ARL17B: variants seen among roughly 807,000 people sequenced by gnomAD.
ARL17B encodes the protein ADP-ribosylation factor-like protein 17.
intron 4 of ARL17B, among the ~76,000 whole-genome samples, chr17:46,275,694 C>G (rs779679725): frequency 2.0e-5 from 3 of 152,084 alleles, no homozygotes; most frequent in Admixed American, 6.6e-5. Context: ...TTTCAGGCAA[C>G]TGGACAAATA....
intron 4 of ARL17B, among the ~76,000 whole-genome samples, chr17:46,282,894 G>A (rs1468579294): frequency 1.3e-5 from 2 of 152,156 alleles, no homozygotes; most frequent in East Asian, 3.9e-4. Flanking sequence ...CGAAGCGAGC[G>A]GATCACCTGA....
At chr17:46,287,671 A>C (rs2049955861) in intron 4 of ARL17B, among the ~76,000 whole-genome samples, 1 of 152,274 alleles carries the variant, frequency 6.6e-6, no homozygotes, top group Admixed American at 6.5e-5. Flanking sequence ...CAATGTGGGC[A>C]GTGGCCTGGC....
chr17:46,312,744 C>T (rs1399023754), intron 3 of ARL17B, among the ~76,000 whole-genome samples: 1 of 68,570 alleles, frequency 1.5e-5, no homozygotes, highest in Non-Finnish European at 2.9e-5. Flanking sequence ...ATATTTAAAG[C>T]CCTAGTTTGA....
At chr17:46,291,832 G>T (rs371711539) in intron 4 of ARL17B, among the ~76,000 whole-genome samples, 4 of 152,120 alleles carry the variant, frequency 2.6e-5, no homozygotes, top group African/African-American at 9.6e-5. Flanking sequence ...GGCATGGCAC[G>T]CGCCTGTAGT....
intron 3 of ARL17B, among the ~76,000 whole-genome samples, chr17:46,305,027 C>A (rs1479709051): frequency 2.5e-5 from 2 of 80,740 alleles, no homozygotes; most frequent in African/African-American, 6.8e-5. Flanking sequence ...TGCCACTAGG[C>A]CCGGCTAATT....
rs1598224614 is a variant in ARL17B, at chr17:46,358,978, C to T, written c.-17-564G>A. Reference sequence around the variant, plus strand: ...CTGCACTCTAGTCTGGGCAACAGAGCAAGACTGTCTCAAAAAATTAATTAA... The same window carrying T: ...CTGCACTCTAGTCTGGGCAACAGAGTAAGACTGTCTCAAAAAATTAATTAA... On this transcript the variant is annotated intron_variant, in intron 1 of 3. Transcript: ENST00000450673. 2.2e-5 allele frequency among the ~76,000 whole-genome samples: 3 copies of T among 138,920 alleles called. No homozygotes were observed. The East Asian group carries it at 6.2e-4, about 29-fold the overall frequency. 91.1% of individuals were successfully genotyped at this position (138,920 alleles called of 152,430 possible).
rs1287150997 is a variant in ARL17B, at chr17:46,275,338, A to G, written c.*102T>C. ...TCCTTAATTTAAAATAGTTCAGGCA[A>G]CAAGATTCTTGCTGTGTTTTATGTT... is the stretch of plus-strand genomic sequence containing the variant. On this transcript the variant is annotated 3_prime_UTR_variant, in exon 5 of 5. Transcript: ENST00000570618. 6 of 913,436 alleles carry G rather than the reference A, an allele frequency of 6.6e-6. No homozygotes were observed. The Admixed American group carries it at 9.4e-5, about 14-fold the overall frequency. The allele number at this position is 913,436 out of a possible 1,614,324, so 56.6% of individuals were successfully genotyped here.
exon 4 of ARL17B, chr17:46,299,585 T>G (rs1221322991): frequency 3.0e-4 from 3 of 10,102 alleles, no homozygotes; most frequent in Admixed American, 2.1e-3. Context: ...GAAGTTAAGC[T>G]TCCAGGAGAT....
chr17:46,274,807 T>A (rs904692736), exon 5 of ARL17B: 3 of 152,446 alleles, frequency 2.0e-5, no homozygotes, highest in East Asian at 1.9e-4. Context: ...ATAAACAAAA[T>A]TTTCTCGCTT....
intron 3 of ARL17B, among the ~76,000 whole-genome samples, chr17:46,306,042 A>C (rs1429471410): frequency 1.2e-5 from 1 of 82,014 alleles, no homozygotes; most frequent in Non-Finnish European, 3.7e-5. Flanking sequence ...ACTGTTTTGT[A>C]TCTAATGCAC....
At chr17:46,278,954 C>T (rs2696528) in intron 4 of ARL17B, among the ~76,000 whole-genome samples, 18,574 of 148,902 alleles carry the variant, frequency 0.12, 3 homozygotes, top group Middle Eastern at 0.19. Flanking sequence ...CCTGCCACCA[C>T]GCCTAGCTAA....
intron 4 of ARL17B, among the ~76,000 whole-genome samples, chr17:46,277,860 TG>T (rs2143311568): frequency 6.6e-6 from 1 of 152,292 alleles, no homozygotes; most frequent in South Asian, 2.1e-4. Flanking sequence ...TTGGCCAGGC[TG>T]GTCTGGAACT....
rs1218977563 is a variant in ARL17B, at chr17:46,311,613, A to G, written c.260-11948T>C. ...GACCTGTACAGAAGAATTTGGAGGG[A>G]AAAAAAAAAACAGGCAAGAAATGTT... is the stretch of plus-strand genomic sequence containing the variant. On this transcript the variant is annotated intron_variant, in intron 3 of 4. Transcript: ENST00000434041. 1.2e-4 allele frequency among the ~76,000 whole-genome samples: 11 copies of G among 92,626 alleles called. 3 individuals carry two copies. The highest frequency in any genetic ancestry group is 3.4e-4 in the Admixed American group (3 of 8,862). The allele number at this position is 92,626 out of a possible 152,430, so 60.8% of individuals were successfully genotyped here.
chr17:46,335,067 G>A lies in ARL17B; in HGVS notation c.*4433C>T, dbSNP rs1441948787. On this transcript the variant is annotated 3_prime_UTR_variant, in exon 4 of 4. Transcript: ENST00000450673. ...AAAAAAAAAATAGCCAGGTGTGGTA[G>A]TATGCACCTGTAGTCTCAGCTACTC... Among the ~76,000 whole-genome samples, 3 of 38,060 alleles carry A rather than the reference G, an allele frequency of 7.9e-5. 1 individual carries two copies. Among genetic ancestry groups the A allele is most frequent in the African/African-American group, 1.2e-4 (3 of 25,944 alleles). The allele number at this position is 38,060 out of a possible 152,430, so 25.0% of individuals were successfully genotyped here.
intron 4 of ARL17B, among the ~76,000 whole-genome samples, chr17:46,282,325 G>A (rs570229478): frequency 9.2e-5 from 14 of 151,668 alleles, no homozygotes; most frequent in South Asian, 2.1e-4. Flanking sequence ...GGATGGTCTC[G>A]ATCTCCTGAC....
chr17:46,289,502 A>AT (rs1253510088), intron 4 of ARL17B, among the ~76,000 whole-genome samples: 1 of 151,998 alleles, frequency 6.6e-6, no homozygotes, highest in East Asian at 1.9e-4. Flanking sequence ...CTGACTTAAA[A>AT]TTTTTTTAAA....
rs576922510 is a variant in ARL17B, at chr17:46,324,972, A to G, written c.260-25307T>C. On this transcript the variant is annotated intron_variant, in intron 3 of 4. Coordinates refer to the ARL17B transcript ENST00000434041. ...CAGCCCCCACAATATGGCAAGCTAA[A>G]TAGAGACTCAGTTATGCTAGGGCTG... Among the ~76,000 whole-genome samples, 7 of 78,504 alleles carry G rather than the reference A, an allele frequency of 8.9e-5. 2 individuals carry two copies. The South Asian group carries it at 3.9e-3, about 43-fold the overall frequency. The allele number at this position is 78,504 out of a possible 152,430, so 51.5% of individuals were successfully genotyped here.
In ARL17B at chr17:46,280,569, C is replaced by CTTTT. The variant is rs56981193; in HGVS notation, c.*22-5155_*22-5152dup. On this transcript the variant is annotated intron_variant, in intron 4 of 4. Coordinates refer to the ARL17B transcript ENST00000570618. The stretch of plus-strand genomic sequence containing the variant: ...TTGTTTCCTTATTTTTGATAGCACA[C>CTTTT]TTTTTTTTTTTTTTTTTTTTCCTGA... Among the ~76,000 whole-genome samples the CTTTT allele has an allele frequency of 2.3e-3, 262 of 111,992 alleles. 41 individuals are homozygous for CTTTT. The highest frequency in any genetic ancestry group is 7.2e-3 in the Middle Eastern group (1 of 138). The allele number at this position is 111,992 out of a possible 152,430, so 73.5% of individuals were successfully genotyped here.
At chr17:46,284,004 C>T (rs1238476263) in intron 4 of ARL17B, among the ~76,000 whole-genome samples, 13 of 151,584 alleles carry the variant, frequency 8.6e-5, no homozygotes, top group Admixed American at 3.9e-4. Flanking sequence ...AGCCCTAAGG[C>T]GGTTTTTCCC....
Sources: gnomAD v4.1 joint callset for allele counts (sites outside exome capture counted in the v4.1 genomes callset) on GRCh38, gnomAD v4.1.1 for gene constraint, MANE v1.5 for transcripts, NCBI Gene and HGNC (gene_info 2026-07-23, HGNC 2026-07-21) for gene names.